COL5A2: variants seen among roughly 807,000 people sequenced by gnomAD.
COL5A2 encodes collagen type V alpha 2 chain.
In COL5A2, 23 loss-of-function variants were observed where a neutral mutation model predicts 208.2. That is an observed-to-expected ratio of 0.11 (90% CI 0.08 to 0.16). The LOEUF (loss-of-function observed/expected upper bound fraction) is 0.16, where lower values mean the gene tolerates loss of function less well. Ranked by LOEUF, COL5A2 falls within the 10% of genes least tolerant of loss-of-function variation. COL5A2 has a pLI of 1.00. For synonymous variants in COL5A2, 625 were observed against 628.5 expected, an observed-to-expected ratio of 0.99 and a Z score of 0.08; for missense variants, 1,590 against 1,956.4, an observed-to-expected ratio of 0.81 and a Z score of 3.53.
At chr2:189,166,651 T>C (rs1286776541) in intron 1 of COL5A2, among the ~76,000 whole-genome samples, 2 of 152,322 alleles carry the variant, frequency 1.3e-5, no homozygotes, top group East Asian at 1.9e-4. Context: ...CGTGGGCAAG[T>C]AGAGTGTCTA....
intron 1 of COL5A2, among the ~76,000 whole-genome samples, chr2:189,160,411 T>TC (rs899938075): frequency 6.6e-6 from 1 of 152,146 alleles, no homozygotes; most frequent in Non-Finnish European, 1.5e-5. Flanking sequence ...GCAATCTTTA[T>TC]CCCCCCTTTT....
chr2:189,132,940 CAA>C (rs1356890849), intron 1 of COL5A2: 1 of 152,138 alleles, frequency 6.6e-6, no homozygotes, highest in East Asian at 2.0e-4. Context: ...ATTAATAAAA[CAA>C]TATTAATTGA....
At chr2:189,064,058 G>A (rs751982410) in intron 25 of COL5A2, 25 bp from the exon 26 acceptor site, 1 of 1,604,258 alleles carries the variant, frequency 6.2e-7, no homozygotes, top group Non-Finnish European at 8.5e-7. Context: ...CCAACTGTCA[G>A]TTTGTTGCTG....
the COL5A2 span, among the ~76,000 whole-genome samples, chr2:189,293,105 G>C: frequency 6.6e-6 from 1 of 151,916 alleles, no homozygotes; most frequent in Non-Finnish European, 1.5e-5. Flanking sequence ...GGACTGTTGT[G>C]GGGTGGGGGG....
In COL5A2 at chr2:189,074,825, G is replaced by T. The variant is rs144952626; in HGVS notation, c.1104+568C>A. Among the ~76,000 whole-genome samples the T allele has an allele frequency of 3.3e-5, 5 of 152,172 alleles. No individual in the cohort carries two copies. The East Asian group carries it at 9.7e-4, about 29-fold the overall frequency. On this transcript the variant is annotated intron_variant, in intron 17 of 53. Coordinates refer to ENST00000374866, the MANE Select transcript of COL5A2 (RefSeq NM_000393.5). ...TTCACATCTTTGTAATTTCTTTCTGGAATTATGCCAGTGGTATTCAAACTC... is the reference window on the plus strand; with the variant it reads ...TTCACATCTTTGTAATTTCTTTCTGTAATTATGCCAGTGGTATTCAAACTC...
At chr2:189,383,613 ATTTTT>A in the COL5A2 span, among the ~76,000 whole-genome samples, 2 of 151,984 alleles carry the variant, frequency 1.3e-5, no homozygotes, top group Admixed American at 1.3e-4. Flanking sequence ...AGTGTTTTTT[ATTTTT>A]ATTTTTATGG....
chr2:189,351,692 A>G, the COL5A2 span, among the ~76,000 whole-genome samples: 168 of 152,236 alleles, frequency 1.1e-3, no homozygotes, highest in African/African-American at 3.7e-3. Flanking sequence ...AAAAATAAAC[A>G]AAAAGTGAGA....
intron 7 of COL5A2, among the ~76,000 whole-genome samples, chr2:189,091,767 A>G (rs1377964639): frequency 6.6e-6 from 1 of 152,168 alleles, no homozygotes; most frequent in African/African-American, 2.4e-5. Flanking sequence ...GTACTTATAA[A>G]TCCCCTATGT....
At chr2:189,157,029 C>G (rs1412240700) in intron 1 of COL5A2, among the ~76,000 whole-genome samples, 2 of 151,198 alleles carry the variant, frequency 1.3e-5, no homozygotes, top group African/African-American at 4.9e-5. Flanking sequence ...CTCATCTCCA[C>G]AAGGGATAGC....
At position 189,057,404 on chromosome 2, in the gene COL5A2, G is replaced by A. The variant is rs928855762; in HGVS notation, c.2253C>T (p.Thr751=). The A allele has an allele frequency of 6.2e-7, 1 of 1,613,324 alleles. No individual in the cohort carries two copies. Among genetic ancestry groups the A allele is most frequent in the Non-Finnish European group, 8.5e-7 (1 of 1,179,592 alleles). The change falls in exon 34 of 54, where the codon ACC becomes ACT. Residue 751 remains threonine, a synonymous_variant. Transcript: ENST00000374866. ...GPKGSPGPSG[T]PGDTGPPGLQ... The stretch of plus-strand genomic sequence containing the variant: ...GACCTGGTGGGCCTGTATCTCCAGG[G>A]GTCCCAGATGGACCTGGACTGCCCT...
At chr2:189,373,072 G>A in the COL5A2 span, among the ~76,000 whole-genome samples, 12 of 152,074 alleles carry the variant, frequency 7.9e-5, no homozygotes, top group African/African-American at 2.2e-4. Flanking sequence ...TGCTACACTT[G>A]GCACTAACTT....
chr2:189,261,290 A>C, the COL5A2 span, among the ~76,000 whole-genome samples: 1 of 152,224 alleles, frequency 6.6e-6, no homozygotes, highest in African/African-American at 2.4e-5. Context: ...TTTAAGCAAA[A>C]TGATTCTGAT....
chr2:189,156,629 T>C (rs568118210), intron 1 of COL5A2, among the ~76,000 whole-genome samples: 1 of 152,276 alleles, frequency 6.6e-6, no homozygotes, highest in East Asian at 1.9e-4. Flanking sequence ...CAGAATATTA[T>C]CACACATTGA....
intron 52 of COL5A2, among the ~76,000 whole-genome samples, chr2:189,036,062 T>C (rs1033529630): frequency 1.3e-5 from 2 of 152,166 alleles, no homozygotes; most frequent in Admixed American, 6.5e-5. Context: ...ATTATTATAG[T>C]AGTTATCTAA....
At chr2:189,381,181 T>G in the COL5A2 span, among the ~76,000 whole-genome samples, 1 of 152,028 alleles carries the variant, frequency 6.6e-6, no homozygotes, top group Non-Finnish European at 1.5e-5. Context: ...CAGAAATCAG[T>G]CAATAGGGTA....
At chr2:189,295,291 T>C in the COL5A2 span, among the ~76,000 whole-genome samples, 1 of 152,236 alleles carries the variant, frequency 6.6e-6, no homozygotes, top group Non-Finnish European at 1.5e-5. Context: ...TTAAAGATTC[T>C]GAGTCCAAAT....
intron 1 of COL5A2, among the ~76,000 whole-genome samples, chr2:189,196,656 A>G (rs181270204): frequency 6.6e-6 from 1 of 152,180 alleles, no homozygotes; most frequent in East Asian, 1.9e-4. Flanking sequence ...TAATTCACTT[A>G]GCAGCTTCCT....
chr2:189,068,809 G>T lies in COL5A2; in HGVS notation c.1234C>A (p.Pro412Thr). 6.2e-7 allele frequency: 1 copy of T among 1,613,234 alleles called. No individual in the cohort carries two copies. The highest frequency in any genetic ancestry group is 1.3e-5 in the African/African-American group (1 of 75,020). ...GQRGETGPPG[P>T]VGSPGLPGAI... The stretch of plus-strand genomic sequence containing the variant: ...ACAGGAAGACCTGGAGAGCCAACTG[G>T]ACCTGGGGGCCCAGTTTCACCTCTC... Residue 412 changes from proline (P) to threonine (T), a missense_variant, in exon 19 of 54, where the codon CCA (proline) becomes ACA (threonine). Pro to Thr is a conservative substitution (Grantham distance 38). Transcript: ENST00000374866.
At chr2:189,266,298 C>G in the COL5A2 span, among the ~76,000 whole-genome samples, 1 of 151,836 alleles carries the variant, frequency 6.6e-6, no homozygotes, top group Non-Finnish European at 1.5e-5. Flanking sequence ...TGGTGGCACG[C>G]ACCTGTAATC....
Sources: allele counts gnomAD v4.1 joint callset (sites outside exome capture counted in the v4.1 genomes callset), GRCh38; gene constraint gnomAD v4.1.1; transcripts MANE v1.5; gene names NCBI Gene and HGNC (gene_info 2026-07-23, HGNC 2026-07-21).